Variants in TPTE2 observed in about 807,000 individuals in gnomAD.
TPTE2 encodes phosphatidylinositol 3,4,5-trisphosphate 3-phosphatase TPTE2.
In TPTE2, 53 loss-of-function variants were observed where a neutral mutation model predicts 78.6. The ratio of observed to expected loss-of-function variants is 0.67; its 90% confidence interval spans 0.54 to 0.85. The LOEUF is 0.85. Among genes scored for constraint, TPTE2 ranks in the 40% least tolerant of loss-of-function variants. The probability of loss-of-function intolerance (pLI) is 0.00; values close to 1 mark genes in which losing one functional copy is unlikely to be tolerated. For synonymous variants in TPTE2, 175 were observed against 206.2 expected (o/e 0.85, Z 1.30); for missense variants, 461 against 623.0 (o/e 0.74, Z 2.77).
chr13:19,472,526 C>A (rs368198897), intron 6 of TPTE2, among the ~76,000 whole-genome samples: 3 of 152,092 alleles, frequency 2.0e-5, no homozygotes, highest in Non-Finnish European at 4.4e-5. Flanking sequence ...TATTTAATTT[C>A]TTTGTTAAAC....
chr13:19,446,991 A>G (rs1331317600), intron 13 of TPTE2, among the ~76,000 whole-genome samples: 1 of 152,174 alleles, frequency 6.6e-6, no homozygotes, highest in African/African-American at 2.4e-5. Flanking sequence ...ATAAATCACC[A>G]TCAAATTTAA....
upstream of TPTE2, among the ~76,000 whole-genome samples, chr13:19,540,840 T>C (rs1871418905): frequency 6.6e-6 from 1 of 152,252 alleles, no homozygotes; most frequent in South Asian, 2.1e-4. Context: ...ATAGATTCTT[T>C]TGTTTTCTAT....
At chr13:19,495,873 GTTGT>G (rs1371719239) in intron 1 of TPTE2, among the ~76,000 whole-genome samples, 2 of 151,960 alleles carry the variant, frequency 1.3e-5, no homozygotes, top group African/African-American at 2.4e-5. Flanking sequence ...GTTTGTTGCT[GTTGT>G]TTGTTTTTTG....
At chr13:19,530,318 T>C (rs1870785642) in intron 1 of TPTE2, among the ~76,000 whole-genome samples, 1 of 152,186 alleles carries the variant, frequency 6.6e-6, no homozygotes, top group Non-Finnish European at 1.5e-5. Flanking sequence ...AGCAGGACCC[T>C]GTCAGTGGTG....
At chr13:19,554,898 T>C in the TPTE2 span, among the ~76,000 whole-genome samples, 1 of 152,212 alleles carries the variant, frequency 6.6e-6, no homozygotes, top group East Asian at 1.9e-4. Context: ...TTGTTAGCCT[T>C]AACTAGCCAC....
At chr13:19,525,464 C>T (rs1408783217) in intron 1 of TPTE2, among the ~76,000 whole-genome samples, 1 of 152,156 alleles carries the variant, frequency 6.6e-6, no homozygotes, top group African/African-American at 2.4e-5. Flanking sequence ...TCCTACTCAA[C>T]AAATGGTGCT....
intron 1 of TPTE2, among the ~76,000 whole-genome samples, chr13:19,525,721 C>T (rs1870456169): frequency 6.6e-6 from 1 of 152,044 alleles, no homozygotes; most frequent in African/African-American, 2.4e-5. Flanking sequence ...AGCTTCTGCA[C>T]AGCAAAAGAA....
chr13:19,559,585 A>G, the TPTE2 span, among the ~76,000 whole-genome samples: 1 of 150,484 alleles, frequency 6.6e-6, no homozygotes, highest in Non-Finnish European at 1.5e-5. Context: ...GAGCAAAGGG[A>G]GCATGGGCCT....
intron 13 of TPTE2, among the ~76,000 whole-genome samples, chr13:19,445,020 A>C: frequency 6.6e-6 from 1 of 152,318 alleles, no homozygotes; most frequent in South Asian, 2.1e-4. Context: ...TATAGTAGTA[A>C]AATGTCCTTT....
upstream of TPTE2, among the ~76,000 whole-genome samples, chr13:19,539,534 A>T (rs1024466568): frequency 3.3e-5 from 5 of 152,110 alleles, no homozygotes; most frequent in Non-Finnish European, 7.4e-5. Flanking sequence ...CTTTTTCTTT[A>T]TAAATTACCC....
At chr13:19,472,375 T>C (rs924008305) in intron 6 of TPTE2, among the ~76,000 whole-genome samples, 2 of 152,184 alleles carry the variant, frequency 1.3e-5, no homozygotes, top group African/African-American at 2.4e-5. Flanking sequence ...GTCTCCTCTA[T>C]GTATTTTGAA....
At chr13:19,524,709 A>C (rs569800123) in intron 1 of TPTE2, among the ~76,000 whole-genome samples, 15 of 152,196 alleles carry the variant, frequency 9.9e-5, no homozygotes, top group Non-Finnish European at 2.1e-4. Flanking sequence ...CCCTTGGTCC[A>C]CTCTGGAACT....
upstream of TPTE2, among the ~76,000 whole-genome samples, chr13:19,538,386 A>G (rs937581894): frequency 2.7e-5 from 4 of 150,478 alleles, no homozygotes; most frequent in Admixed American, 1.3e-4. Flanking sequence ...ACCCCCGGCT[A>G]ATTTGTTGTA....
chr13:19,492,544 A>G (rs1202771249), intron 3 of TPTE2, among the ~76,000 whole-genome samples: 1 of 151,976 alleles, frequency 6.6e-6, no homozygotes, highest in East Asian at 1.9e-4. Context: ...CTACGAACTG[A>G]CCTCCTTATA....
chr13:19,534,580 A>C (rs1871090750), intron 1 of TPTE2, among the ~76,000 whole-genome samples: 1 of 152,192 alleles, frequency 6.6e-6, no homozygotes, highest in South Asian at 2.1e-4. Flanking sequence ...TCCAAGTATG[A>C]GCTACTTCCT....
the TPTE2 span, among the ~76,000 whole-genome samples, chr13:19,554,921 A>G: frequency 6.6e-6 from 1 of 152,230 alleles, no homozygotes; most frequent in East Asian, 1.9e-4. Context: ...TTACAGAGCA[A>G]TCACACCACT....
intron 6 of TPTE2, among the ~76,000 whole-genome samples, chr13:19,470,239 G>C: frequency 6.6e-6 from 1 of 152,190 alleles, no homozygotes; most frequent in Middle Eastern, 3.4e-3. Context: ...TACTATGAAG[G>C]GATGTTGAAT....
At chr13:19,512,384 G>A (rs1869509347) in intron 1 of TPTE2, among the ~76,000 whole-genome samples, 1 of 152,150 alleles carries the variant, frequency 6.6e-6, no homozygotes, top group African/African-American at 2.4e-5. Flanking sequence ...ATATCTAAAA[G>A]TAGCTGTTAG....
chr13:19,544,325 A>G, the TPTE2 span, among the ~76,000 whole-genome samples: 1 of 152,132 alleles, frequency 6.6e-6, no homozygotes, highest in Non-Finnish European at 1.5e-5. Flanking sequence ...AATTGGCTAT[A>G]TGAATATAAG....
Sources: allele counts gnomAD v4.1 joint callset (sites outside exome capture counted in the v4.1 genomes callset), GRCh38; gene constraint gnomAD v4.1.1; transcripts MANE v1.5; gene names NCBI Gene and HGNC (gene_info 2026-07-23, HGNC 2026-07-21).